Variants in THSD4 observed in about 807,000 individuals in gnomAD.
The protein encoded by THSD4 is thrombospondin type 1 domain containing 4.
In THSD4, 69 loss-of-function variants were observed where a neutral mutation model predicts 119.0. That is an observed-to-expected ratio of 0.58 (90% CI 0.48 to 0.71). The LOEUF (loss-of-function observed/expected upper bound fraction) is 0.71. THSD4 is among the 30% of genes least tolerant of loss of function. The pLI is 0.00. For missense variants in THSD4, 1,393 were observed against 1,391.1 expected (o/e 1.00, Z -0.02); for synonymous variants, 524 against 540.4 (o/e 0.97, Z 0.42).
chr15:71,676,975 A>T (rs1188682574), intron 8 of THSD4, among the ~76,000 whole-genome samples: 1 of 152,218 alleles, frequency 6.6e-6, no homozygotes, highest in African/African-American at 2.4e-5. Context: ...CTAGGAGTGG[A>T]ATTGATGAGT....
At chr15:71,360,656 T>C (rs2045882619) in intron 6 of THSD4, among the ~76,000 whole-genome samples, 1 of 152,216 alleles carries the variant, frequency 6.6e-6, no homozygotes, top group Admixed American at 6.5e-5. Flanking sequence ...ATATGACTCC[T>C]CCTCAGATGC....
At chr15:71,559,695 T>G (rs1452031713) in intron 7 of THSD4, among the ~76,000 whole-genome samples, 1 of 152,080 alleles carries the variant, frequency 6.6e-6, no homozygotes, top group African/African-American at 2.4e-5. Context: ...ATTAATAAGA[T>G]AATGTTCATG....
At position 71,664,043 on chromosome 15, in the gene THSD4, C is replaced by A. The variant is rs145812180; in HGVS notation, c.1357+3309C>A. Among the ~76,000 whole-genome samples the A allele has an allele frequency of 9.2e-3, 1,400 of 151,810 alleles. 28 individuals carry two copies. The highest frequency in any genetic ancestry group is 0.032 in the African/African-American group (1,328 of 41,382). On this transcript the variant is annotated intron_variant, in intron 8 of 17. Coordinates refer to ENST00000261862, the MANE Select transcript of THSD4 (RefSeq NM_024817.3). ...TGTCGCCCAGGCTGGAGTGCAGTGG[C>A]GCCGTCTCAGCTCACTGCAAGCTCT...
chr15:71,590,345 T>TTAA, intron 7 of THSD4, among the ~76,000 whole-genome samples: 1 of 136,474 alleles, frequency 7.3e-6, no homozygotes, highest in South Asian at 2.4e-4. Context: ...CTGGACTAGG[T>TTAA]TGATAGGAAT....
intron 10 of THSD4, chr15:71,733,826 A>G (rs1295315824): frequency 6.7e-6 from 1 of 149,662 alleles, no homozygotes. Flanking sequence ...AGACTAAGAC[A>G]CGAGAATCAC....
chr15:71,409,732 T>C (rs2046657708), intron 6 of THSD4, among the ~76,000 whole-genome samples: 1 of 152,146 alleles, frequency 6.6e-6, no homozygotes, highest in Non-Finnish European at 1.5e-5. Context: ...AGGCAGTTTA[T>C]TGCTGTGACA....
intron 7 of THSD4, among the ~76,000 whole-genome samples, chr15:71,500,462 CAGA>C: frequency 6.6e-6 from 1 of 152,126 alleles, no homozygotes; most frequent in Non-Finnish European, 1.5e-5. Context: ...CGTGGCTGAG[CAGA>C]AGTTTTTAAG....
At chr15:71,275,230 T>G (rs2044576600) in intron 6 of THSD4, among the ~76,000 whole-genome samples, 1 of 151,866 alleles carries the variant, frequency 6.6e-6, no homozygotes, top group Non-Finnish European at 1.5e-5. Context: ...CCTGAGGGCC[T>G]GCAGAAGAAT....
At chr15:71,218,052 ATGAGT>A (rs1362119210) in intron 4 of THSD4, among the ~76,000 whole-genome samples, 6 of 151,902 alleles carry the variant, frequency 3.9e-5, no homozygotes, top group African/African-American at 1.5e-4. Context: ...GATTACAGGC[ATGAGT>A]CACCGTGCGT....
intron 6 of THSD4, among the ~76,000 whole-genome samples, chr15:71,282,968 T>G (rs1244305057): frequency 3.4e-4 from 38 of 112,432 alleles, no homozygotes; most frequent in African/African-American, 1.8e-3. Context: ...CAGGTTAGAT[T>G]TTTTTTTTTT....
rs980883040 is a variant in THSD4, at chr15:71,476,571, G to A, written c.1152+64748G>A. Reference sequence around the variant, plus strand: ...CCTTGTATATCCCTGATACTCAGCTGCCCTTAGCTCCCTTCAGACAATTTC... The same window carrying A: ...CCTTGTATATCCCTGATACTCAGCTACCCTTAGCTCCCTTCAGACAATTTC... On this transcript the variant is annotated intron_variant, in intron 7 of 17. Transcript: ENST00000261862. Among the ~76,000 whole-genome samples the A allele has an allele frequency of 2.0e-5, 3 of 152,184 alleles. No homozygotes were observed. In the East Asian group the frequency reaches 5.8e-4, roughly 29 times the overall value.
intron 6 of THSD4, among the ~76,000 whole-genome samples, chr15:71,383,724 C>T (rs928236099): frequency 2.6e-5 from 4 of 151,636 alleles, no homozygotes; most frequent in African/African-American, 7.3e-5. Flanking sequence ...AACCATGGAT[C>T]GAAAACATTC....
intron 6 of THSD4, among the ~76,000 whole-genome samples, chr15:71,285,681 C>T (rs879432986): frequency 6.6e-5 from 10 of 152,004 alleles, no homozygotes; most frequent in Non-Finnish European, 1.3e-4. Flanking sequence ...TGGTAAAACC[C>T]TGTCTCTACT....
At chr15:71,286,587 A>G (rs533522111) in intron 6 of THSD4, among the ~76,000 whole-genome samples, 108 of 152,292 alleles carry the variant, frequency 7.1e-4, no homozygotes, top group African/African-American at 2.4e-3. Flanking sequence ...TGGCTTTGCT[A>G]TTGTGAATAG....
chr15:71,172,677 CTATACATATATATATATATATATA>C (rs2043383067), intron 3 of THSD4, among the ~76,000 whole-genome samples: 3 of 22,150 alleles, frequency 1.4e-4, no homozygotes, highest in Admixed American at 7.5e-4. Context: ...GAAAATAGAC[CTATACATATATATATATATATATA>C]TATATATATA....
intron 3 of THSD4, chr15:71,185,423 A>G (rs961032441): frequency 2.6e-5 from 4 of 151,740 alleles, no homozygotes; most frequent in African/African-American, 7.2e-5. Context: ...TCTTTGGCCT[A>G]CCTTGTTTTC....
chr15:71,543,580 A>C (rs2048791809), intron 7 of THSD4, among the ~76,000 whole-genome samples: 1 of 152,178 alleles, frequency 6.6e-6, no homozygotes, highest in Non-Finnish European at 1.5e-5. Flanking sequence ...GAGATGGAGG[A>C]AACAGGAGGA....
rs541476610 is a variant in THSD4 at position 71,717,576 on chromosome 15, C to T, written c.1358-10973C>T. 6.5e-5 allele frequency among the ~76,000 whole-genome samples: 9 copies of T among 138,540 alleles called. No individual in the cohort carries two copies. In the South Asian group the frequency reaches 1.9e-3, roughly 29 times the overall value. 90.9% of individuals were successfully genotyped at this position (138,540 alleles called of 152,430 possible). ...GAGGTTAAAAAAAAATCTTGAGAAA[C>T]TTAAATATGGCATTTAGCATAGCAA... On this transcript the variant is annotated intron_variant, in intron 8 of 17. Coordinates refer to ENST00000261862, the MANE Select transcript of THSD4 (RefSeq NM_024817.3).
At chr15:71,677,604 CT>C (rs1249318800) in intron 8 of THSD4, among the ~76,000 whole-genome samples, 1 of 152,182 alleles carries the variant, frequency 6.6e-6, no homozygotes, top group Non-Finnish European at 1.5e-5. Context: ...TTTCAGAGTC[CT>C]TTGCCTTGAA....
Sources: gnomAD v4.1 joint callset for allele counts (sites outside exome capture counted in the v4.1 genomes callset) on GRCh38, gnomAD v4.1.1 for gene constraint, MANE v1.5 for transcripts, NCBI Gene and HGNC (gene_info 2026-07-23, HGNC 2026-07-21) for gene names.